The following MRPL28 variants were observed in gnomAD, a reference collection of about 807,000 sequenced individuals.
MRPL28 encodes mitochondrial ribosomal protein L28.
A neutral mutation model predicts 26.2 loss-of-function variants in MRPL28; 25 were observed. The ratio of observed to expected loss-of-function variants is 0.95; its 90% CI spans 0.69 to 1.33. The LOEUF is 1.33. Among genes scored for constraint, MRPL28 ranks in the 40% most tolerant of loss-of-function variants. The pLI, the probability that MRPL28 is intolerant of heterozygous loss-of-function variation, is 0.00. For synonymous variants in MRPL28, 227 were observed against 140.1 expected, an observed-to-expected ratio of 1.62 and a Z score of -4.38; for missense variants, 432 against 327.2, an observed-to-expected ratio of 1.32 and a Z score of -2.47.
In MRPL28 at chr16:369,073, G is replaced by A. The variant is rs1402731555; in HGVS notation, c.436C>T (p.Leu146Phe). The change falls in exon 3 of 6, where the codon CTC becomes TTC. Residue 146 changes from leucine to phenylalanine, a missense_variant. Leu to Phe is a conservative substitution (Grantham distance 22). Coordinates refer to ENST00000199706, the MANE Select transcript of MRPL28 (RefSeq NM_006428.5). ...ACTCGCCCCACCCCGCTTGCCTTGA[G>A]GATGTAAAAGTCGAGCCCATAAGCC... The part of the protein sequence containing the change: ...DEAYGLDFYI[L>F]KTPKEDLCSK... The A allele has an allele frequency of 1.2e-6, 2 of 1,613,608 alleles. No individual in the cohort carries two copies. The highest frequency in any genetic ancestry group is 8.5e-7 in the Non-Finnish European group (1 of 1,179,866).
rs79523783 is a variant in MRPL28, at chr16:367,250, G to A, written c.*425C>T. ...AACACAAAACACAGAATTGAACCTC[G>A]CTCTCTGCAGCTCACCGGGGGACGG... On this transcript the variant is annotated 3_prime_UTR_variant, in exon 6 of 6. Coordinates refer to ENST00000199706, the MANE Select transcript of MRPL28 (RefSeq NM_006428.5). 2.4e-4 allele frequency: 135 copies of A among 555,774 alleles called. No homozygotes were observed. Among genetic ancestry groups the A allele is most frequent in the African/African-American group, 2.0e-3 (107 of 53,130 alleles). The allele number at this position is 555,774 out of a possible 1,614,324, so 34.4% of individuals were successfully genotyped here.
Position 368,562 on chromosome 16 carries a change from T to G in MRPL28, c.515A>C (p.Gln172Pro). ...KRGMLLRLAR[Q>P]DPQLHPEDPE... ...GTCCTCGGGGTGCAGCTGGGGGTCC[T>G]GCCGGGCAAGCCGCAGCAGCATCCC... Residue 172 changes from glutamine to proline, a missense_variant, in exon 4 of 6, where the codon CAG becomes CCG. Coordinates refer to ENST00000199706, the MANE Select transcript of MRPL28 (RefSeq NM_006428.5). 1 of 1,597,810 alleles carries G rather than the reference T, an allele frequency of 6.3e-7. No homozygotes were observed. Among genetic ancestry groups the G allele is most frequent in the Non-Finnish European group, 8.5e-7 (1 of 1,170,284 alleles).
Position 369,923 on chromosome 16 carries a change from G to A in MRPL28, c.288+8C>T, listed in dbSNP as rs73492331. On this transcript the variant is annotated splice_region_variant and intron_variant, in intron 2 of 5. Coordinates refer to ENST00000199706, the MANE Select transcript of MRPL28 (RefSeq NM_006428.5). ...AGAGGAGCCCCTGAAGGCCGCCTGCGGACCCACCTTGTCGTTGTTGGCATA... is the reference window on the plus strand; with the variant it reads ...AGAGGAGCCCCTGAAGGCCGCCTGCAGACCCACCTTGTCGTTGTTGGCATA... The A allele has an allele frequency of 3.7e-6, 6 of 1,604,826 alleles. No individual in the cohort carries two copies. Among genetic ancestry groups the A allele is most frequent in the East Asian group, 4.5e-5 (2 of 44,860 alleles).
At position 368,378 on chromosome 16, in the gene MRPL28, C is replaced by G. The variant is rs1277402902; in HGVS notation, c.613G>C (p.Gly205Arg). 1.9e-6 allele frequency: 3 copies of G among 1,613,852 alleles called. No individual in the cohort carries two copies. The highest frequency in any genetic ancestry group is 1.3e-5 in the African/African-American group (1 of 75,050). Residue 205 changes from glycine to arginine, a missense_variant, in exon 5 of 6, where the codon GGC (glycine) becomes CGC (arginine). Physicochemically the swap from Gly to Arg is moderately radical, Grantham distance 125. Coordinates refer to ENST00000199706, the MANE Select transcript of MRPL28 (RefSeq NM_006428.5). ...TCAATGGCCTCCTCCAGCGTGAGGCCCACCCACTCTGCCTCCTCCTCTGGG... is the reference window on the plus strand; with the variant it reads ...TCAATGGCCTCCTCCAGCGTGAGGCGCACCCACTCTGCCTCCTCCTCTGGG... ...AIPEEEAEWVGLTLEEAIEKQ... is the reference protein window; with the variant it reads ...AIPEEEAEWVRLTLEEAIEKQ...
In MRPL28 at chr16:367,715, G is replaced by A; in HGVS notation, c.731C>T (p.Ser244Leu). 4 of 1,613,900 alleles carry A rather than the reference G, an allele frequency of 2.5e-6. No individual in the cohort carries two copies. The highest frequency in any genetic ancestry group is 3.4e-6 in the Non-Finnish European group (4 of 1,180,030). Residue 244 changes from serine (S) to leucine (L), a missense_variant, in exon 6 of 6, where the codon TCA (serine) becomes TTA (leucine). Physicochemically the swap from Ser to Leu is moderately radical, Grantham distance 145. Coordinates refer to ENST00000199706, the MANE Select transcript of MRPL28 (RefSeq NM_006428.5). ...LIQQLQQQAL[S>L]EPAVVQKRAS... ...TCTCTTCTGCACCACCGCCGGCTCT[G>A]ACAGTGCCTGCTGCTGCAGCTGCTG... is the stretch of plus-strand genomic sequence containing the variant.
chr16:369,781 A>C, intron 2 of MRPL28, 150 bp downstream of exon 2: 2 of 1,040,980 alleles, frequency 1.9e-6, no homozygotes, highest in Non-Finnish European at 2.8e-6. Flanking sequence ...GCGGTTCTTC[A>C]CTCAGCGTGC....
rs1399292628 is a variant in MRPL28 at position 370,204 on chromosome 16, C to T, written c.15G>A (p.Lys5=). 2.5e-6 allele frequency: 4 copies of T among 1,594,762 alleles called. No homozygotes were observed. The highest frequency in any genetic ancestry group is 3.4e-6 in the Non-Finnish European group (4 of 1,176,078). The change falls in exon 2 of 6, where the codon AAG becomes AAA. Residue 5 remains lysine (K), a synonymous_variant. Transcript: ENST00000199706. ...GCCGCTTCCAGAGCCACACGGGATA[C>T]TTGTGTAGAGGCATCGCGAGCCTGG... MPLH[K]YPVWLWKRLQ...
chr16:370,173 G>T lies in MRPL28; in HGVS notation c.46C>A (p.Leu16Met). ...YPVWLWKRLQ[L>M]REGICSRLPG... ...AGGCGGGAACAGATGCCCTCCCGCA[G>T]CTGCAGCCGCTTCCAGAGCCACACG... Residue 16 changes from leucine to methionine, a missense_variant, in exon 2 of 6, where the codon CTG becomes ATG. By Grantham distance (15) the Leu-to-Met change is conservative. Transcript: ENST00000199706. The T allele has an allele frequency of 6.3e-7, 1 of 1,599,100 alleles. No individual in the cohort carries two copies.
intron 2 of MRPL28, 32 bp downstream of exon 2, chr16:369,899 G>A (rs571175330): frequency 7.6e-6 from 12 of 1,586,574 alleles, no homozygotes; most frequent in Admixed American, 6.8e-5. Flanking sequence ...CAAGCCCTGA[G>A]AGGAGCCCCT....
rs914631104 is a variant in MRPL28 at position 367,438 on chromosome 16, G to A, written c.*237C>T. ...CTCGCTCCCGGCCCCACGGGCACAA[G>A]GAACACTGCCGCAAACGTCGGGGCC... On this transcript the variant is annotated 3_prime_UTR_variant, in exon 6 of 6. Transcript: ENST00000199706. 5.6e-6 allele frequency: 4 copies of A among 714,434 alleles called. No individual in the cohort carries two copies. Among genetic ancestry groups the A allele is most frequent in the Admixed American group, 2.0e-5 (1 of 49,850 alleles). 44.3% of individuals were successfully genotyped at this position (714,434 alleles called of 1,614,324 possible).
intron 3 of MRPL28, 48 bp downstream of exon 3, chr16:369,020 T>G: frequency 1.9e-6 from 3 of 1,591,412 alleles, no homozygotes; most frequent in Non-Finnish European, 2.6e-6. Flanking sequence ...TGAGTCTGAC[T>G]GGCCCATCCC....
In MRPL28 at chr16:369,233, C is replaced by T. The variant is rs775563852; in HGVS notation, c.289-13G>A. 4 of 1,613,270 alleles carry T rather than the reference C, an allele frequency of 2.5e-6. No individual in the cohort carries two copies. The South Asian group carries it at 3.3e-5, about 13-fold the overall frequency. Reference sequence around the variant, plus strand: ...GCCTCTTGGAGAGCTGAGGGTGCAACAGAGCCTCCATGAGTACTGCTGCTT... The same window carrying T: ...GCCTCTTGGAGAGCTGAGGGTGCAATAGAGCCTCCATGAGTACTGCTGCTT... On this transcript the variant is annotated splice_polypyrimidine_tract_variant and intron_variant, in intron 2 of 5. Transcript: ENST00000199706.
chr16:368,887 C>T (rs1007913356), intron 3 of MRPL28, 181 bp downstream of exon 3: 5 of 1,012,622 alleles, frequency 4.9e-6, no homozygotes, highest in Non-Finnish European at 7.0e-6. Flanking sequence ...GACAGCCTCT[C>T]CTGAAGGCAG....
Position 369,220 on chromosome 16 carries a change from G to A in MRPL28, c.289C>T (p.Leu97Phe), listed in dbSNP as rs778781163. The A allele has an allele frequency of 1.9e-6, 3 of 1,613,718 alleles. No homozygotes were observed. The highest frequency in any genetic ancestry group is 1.3e-5 in the African/African-American group (1 of 74,936). ...CACACTTTCTTCAGCCTCTTGGAGA[G>A]CTGAGGGTGCAACAGAGCCTCCATG... Reference protein sequence around the residue: ...LGQIYANNDKLSKRLKKVWKP... With the variant: ...LGQIYANNDKFSKRLKKVWKP... Residue 97 changes from leucine (L) to phenylalanine (F), a missense_variant and splice_region_variant, in exon 3 of 6, where the codon CTC (leucine) becomes TTC (phenylalanine). Physicochemically the swap from Leu to Phe is conservative, Grantham distance 22 (BLOSUM62 0). Coordinates refer to ENST00000199706, the MANE Select transcript of MRPL28 (RefSeq NM_006428.5).
chr16:369,380 GC>G (rs751101739), intron 2 of MRPL28, 160 bp from the exon 3 acceptor site: 21 of 879,678 alleles, frequency 2.4e-5, no homozygotes, highest in Non-Finnish European at 3.4e-5. Flanking sequence ...CCAGCCCAGT[GC>G]CGCCCCAGCC....
intron 1 of MRPL28, 21 bp from the exon 2 acceptor site, chr16:370,246 G>A (rs757501369): frequency 6.8e-6 from 10 of 1,467,784 alleles, no homozygotes; most frequent in East Asian, 5.0e-5. Flanking sequence ...GTGGGGGCTC[G>A]CAGTCAGTCG....
chr16:369,434 C>A, intron 2 of MRPL28: 1 of 637,690 alleles, frequency 1.6e-6, no homozygotes, highest in Non-Finnish European at 2.8e-6. Flanking sequence ...AGCTGCTCCC[C>A]AACAAGCTGG....
chr16:369,823 G>A (rs2054303037), intron 2 of MRPL28, 108 bp downstream of exon 2: 1 of 1,385,426 alleles, frequency 7.2e-7, no homozygotes, highest in African/African-American at 1.4e-5. Flanking sequence ...CCTCCAGGCT[G>A]TAATCCCCAG....
chr16:370,109 G>T lies in MRPL28; in HGVS notation c.110C>A (p.Thr37Lys), dbSNP rs1259865383. 6.2e-7 allele frequency: 1 copy of T among 1,609,854 alleles called. No individual in the cohort carries two copies. The highest frequency in any genetic ancestry group is 2.2e-5 in the East Asian group (1 of 44,778). ...HYLRSLEEER[T>K]PTPVHYRPHG... is the part of the protein sequence containing the mutation. ...AGGCCTATAGTGCACGGGAGTGGGC[G>T]TCCGCTCCTCCTCCAGGGAGCGCAG... Residue 37 changes from threonine to lysine, a missense_variant, in exon 2 of 6, where the codon ACG becomes AAG. Thr to Lys is a moderately conservative substitution (Grantham distance 78, BLOSUM62 -1). Transcript: ENST00000199706.
Sources: gnomAD v4.1 joint callset for allele counts on GRCh38, gnomAD v4.1.1 for gene constraint, MANE v1.5 for transcripts, NCBI Gene and HGNC (gene_info 2026-07-23, HGNC 2026-07-21) for gene names.